Variants in EEFSEC observed in about 807,000 individuals in gnomAD.
EEFSEC encodes the protein selenocysteine-specific elongation factor.
In EEFSEC, 43 loss-of-function variants were observed where a neutral mutation model predicts 42.1. The ratio of observed to expected loss-of-function variants is 1.02; its 90% CI spans 0.80 to 1.32. The LOEUF (loss-of-function observed/expected upper bound fraction) is 1.32. Among genes scored for constraint, EEFSEC ranks in the 40% most tolerant of loss-of-function variants. The pLI is 0.00. For missense variants in EEFSEC, 745 were observed against 803.6 expected, an observed-to-expected ratio of 0.93 and a Z score of 0.88; for synonymous variants, 354 against 339.1, an observed-to-expected ratio of 1.04 and a Z score of -0.48.
intron 6 of EEFSEC, among the ~76,000 whole-genome samples, chr3:128,390,183 A>T (rs536664432): frequency 6.6e-6 from 1 of 152,246 alleles, no homozygotes; most frequent in Non-Finnish European, 1.5e-5. Context: ...GTGACAACTC[A>T]AAGTCATGAT....
intron 5 of EEFSEC, among the ~76,000 whole-genome samples, chr3:128,342,393 C>G (rs973662766): frequency 3.3e-5 from 5 of 152,202 alleles, no homozygotes; most frequent in African/African-American, 1.2e-4. Context: ...CCAGGTCTTT[C>G]CTCACCTGTG....
intron 5 of EEFSEC, among the ~76,000 whole-genome samples, chr3:128,354,508 G>A (rs2067428501): frequency 6.6e-6 from 1 of 152,208 alleles, no homozygotes; most frequent in South Asian, 2.1e-4. Flanking sequence ...CCTGTGTGCT[G>A]GCCCACTAGG....
intron 1 of EEFSEC, among the ~76,000 whole-genome samples, chr3:128,195,250 T>C (rs1041735962): frequency 6.6e-6 from 1 of 152,242 alleles, no homozygotes; most frequent in Non-Finnish European, 1.5e-5. Context: ...TGTTTAAATA[T>C]TAAAGCATTT....
At chr3:128,424,072 T>C in the EEFSEC span, among the ~76,000 whole-genome samples, 2 of 151,966 alleles carry the variant, frequency 1.3e-5, no homozygotes, top group Non-Finnish European at 2.9e-5. Context: ...TGCATGCACG[T>C]GCACACACGC....
intron 4 of EEFSEC, among the ~76,000 whole-genome samples, chr3:128,269,969 C>CT (rs1285574125): frequency 6.6e-6 from 1 of 152,170 alleles, no homozygotes; most frequent in Non-Finnish European, 1.5e-5. Context: ...AGAGCAGGGG[C>CT]TGGGAGTGCA....
intron 4 of EEFSEC, among the ~76,000 whole-genome samples, chr3:128,286,922 A>G (rs1195966687): frequency 6.6e-6 from 1 of 152,172 alleles, no homozygotes; most frequent in Non-Finnish European, 1.5e-5. Flanking sequence ...TCAAGTACAC[A>G]TGGCTCATTC....
chr3:128,391,500 G>A (rs751222551), intron 6 of EEFSEC, among the ~76,000 whole-genome samples: 15 of 152,344 alleles, frequency 9.8e-5, no homozygotes, highest in African/African-American at 2.4e-4. Flanking sequence ...CACGACTGTC[G>A]TGGTGGTGCC....
At chr3:128,247,269 G>C (rs2066138085) in intron 2 of EEFSEC, among the ~76,000 whole-genome samples, 1 of 152,232 alleles carries the variant, frequency 6.6e-6, no homozygotes, top group South Asian at 2.1e-4. Flanking sequence ...ACTAGAATTT[G>C]ATGAGGCACA....
chr3:128,239,203 G>A (rs926220238), intron 1 of EEFSEC, among the ~76,000 whole-genome samples: 44 of 152,210 alleles, frequency 2.9e-4, no homozygotes, highest in Admixed American at 5.9e-4. Flanking sequence ...GTTGGGGGAG[G>A]CACTGTTTGT....
intron 6 of EEFSEC, among the ~76,000 whole-genome samples, chr3:128,371,394 G>T (rs761060951): frequency 5.9e-5 from 9 of 152,204 alleles, no homozygotes; most frequent in Admixed American, 1.3e-4. Context: ...CAGGGTGTTT[G>T]TGGGTATCCC....
chr3:128,293,196 C>G, intron 4 of EEFSEC, among the ~76,000 whole-genome samples: 1 of 152,056 alleles, frequency 6.6e-6, no homozygotes, highest in East Asian at 1.9e-4. Flanking sequence ...ATGGTCTAGC[C>G]TATGGATTTT....
At chr3:128,185,497 T>C (rs1242515675) in intron 1 of EEFSEC, among the ~76,000 whole-genome samples, 4 of 152,082 alleles carry the variant, frequency 2.6e-5, no homozygotes, top group Non-Finnish European at 5.9e-5. Flanking sequence ...TGGAGTGCAA[T>C]GACGTGAATT....
At chr3:128,234,172 C>T (rs1223611889) in intron 1 of EEFSEC, among the ~76,000 whole-genome samples, 2 of 152,074 alleles carry the variant, frequency 1.3e-5, no homozygotes, top group Non-Finnish European at 2.9e-5. Context: ...CGTGCCTCAG[C>T]CTCCTGAGTA....
intron 6 of EEFSEC, among the ~76,000 whole-genome samples, chr3:128,379,074 C>T (rs1359916921): frequency 3.3e-5 from 5 of 152,182 alleles, no homozygotes; most frequent in Non-Finnish European, 7.3e-5. Context: ...TGTCTTAGCC[C>T]GCCACTGCCC....
At chr3:128,192,360 A>G (rs1030554645) in intron 1 of EEFSEC, among the ~76,000 whole-genome samples, 9 of 152,128 alleles carry the variant, frequency 5.9e-5, no homozygotes, top group African/African-American at 1.7e-4. Context: ...CTTAGAGACC[A>G]TGGTGGCTGC....
At chr3:128,237,709 A>G (rs751891059) in intron 1 of EEFSEC, among the ~76,000 whole-genome samples, 5 of 152,114 alleles carry the variant, frequency 3.3e-5, no homozygotes, top group African/African-American at 9.7e-5. Flanking sequence ...TTTGTCTGCT[A>G]TCTTGTCCAG....
chr3:128,240,138 C>T (rs1292896683), intron 1 of EEFSEC, among the ~76,000 whole-genome samples: 1 of 152,224 alleles, frequency 6.6e-6, no homozygotes, highest in Non-Finnish European at 1.5e-5. Flanking sequence ...TCCTTCTCTC[C>T]TCCCCTTTCC....
At chr3:128,236,502 T>C (rs2066012401) in intron 1 of EEFSEC, among the ~76,000 whole-genome samples, 1 of 152,200 alleles carries the variant, frequency 6.6e-6, no homozygotes, top group Non-Finnish European at 1.5e-5. Context: ...ACATGTTAGC[T>C]CTTTGTATTA....
At chr3:128,171,010 T>C (rs1015321000) in intron 1 of EEFSEC, among the ~76,000 whole-genome samples, 1 of 152,234 alleles carries the variant, frequency 6.6e-6, no homozygotes, top group Admixed American at 6.5e-5. Flanking sequence ...TGTCCTCCTC[T>C]TCCTGACACA....
Sources: allele counts gnomAD v4.1 joint callset (sites outside exome capture counted in the v4.1 genomes callset), GRCh38; gene constraint gnomAD v4.1.1; transcripts MANE v1.5; gene names NCBI Gene and HGNC (gene_info 2026-07-23, HGNC 2026-07-21).